LOC128031837: variants seen among roughly 807,000 people sequenced by gnomAD.
At chr7:112,450,548 AC>A in the LOC128031837 span, 1 of 696,100 alleles carries the variant, frequency 1.4e-6, no homozygotes, top group Non-Finnish European at 2.7e-6. Context: ...GCCCACTCTT[AC>A]CCCCGCCGCT....
the LOC128031837 span, chr7:112,450,526 G>C: frequency 1.5e-6 from 1 of 657,236 alleles, no homozygotes; most frequent in South Asian, 1.7e-5. Context: ...GGGGATTTCT[G>C]CTGCCGCCAC....
the LOC128031837 span, chr7:112,450,644 G>T: frequency 6.7e-7 from 1 of 1,500,314 alleles, no homozygotes; most frequent in South Asian, 1.1e-5. Context: ...TCCATCGGCT[G>T]ATCCTCGCTA....
At chr7:112,450,559 T>G in the LOC128031837 span, 5 of 721,088 alleles carry the variant, frequency 6.9e-6, no homozygotes, top group Non-Finnish European at 2.5e-6. Flanking sequence ...CCCCCGCCGC[T>G]TCTCGACTCT....
the LOC128031837 span, chr7:112,450,579 C>G: frequency 1.6e-5 from 13 of 824,516 alleles, no homozygotes; most frequent in East Asian, 2.9e-4. Flanking sequence ...TGTTGTTAGC[C>G]GAAGACTCGC....
chr7:112,450,578 C>A, the LOC128031837 span: 1 of 816,450 alleles, frequency 1.2e-6, no homozygotes, highest in Non-Finnish European at 2.1e-6. Flanking sequence ...CTGTTGTTAG[C>A]CGAAGACTCG....
At chr7:112,450,614 G>C in the LOC128031837 span, 130 of 1,185,762 alleles carry the variant, frequency 1.1e-4, no homozygotes, top group Non-Finnish European at 1.6e-4. Flanking sequence ...CCGCACAGAC[G>C]CACGAGTAAA....
the LOC128031837 span, chr7:112,450,585 C>A: frequency 1.1e-6 from 1 of 876,380 alleles, no homozygotes; most frequent in Non-Finnish European, 1.9e-6. Flanking sequence ...TAGCCGAAGA[C>A]TCGCCTCTCA....
At chr7:112,450,626 A>G in the LOC128031837 span, 3 of 1,330,260 alleles carry the variant, frequency 2.3e-6, no homozygotes, top group Non-Finnish European at 3.2e-6. Flanking sequence ...ACGAGTAAAA[A>G]GTGCAGCTCC....
the LOC128031837 span, chr7:112,450,532 G>GCCACCGCCCACTCTTACCC: frequency 1.5e-6 from 1 of 659,996 alleles, no homozygotes; most frequent in Non-Finnish European, 2.8e-6. Context: ...TTCTGCTGCC[G>GCCACCGCCCACTCTTACCC]CCACCGCCCA....
the LOC128031837 span, chr7:112,450,639 C>T: frequency 3.4e-6 from 5 of 1,455,550 alleles, no homozygotes; most frequent in Non-Finnish European, 3.9e-6. Context: ...GCAGCTCCAT[C>T]GGCTGATCCT....
chr7:112,450,555 C>A, the LOC128031837 span: 1 of 710,682 alleles, frequency 1.4e-6, no homozygotes, highest in South Asian at 1.5e-5. Flanking sequence ...CTTACCCCCG[C>A]CGCTTCTCGA....
the LOC128031837 span, chr7:112,450,489 G>T: frequency 1.6e-6 from 1 of 618,616 alleles, no homozygotes; most frequent in Non-Finnish European, 3.0e-6. Flanking sequence ...AGAGAAACAT[G>T]TATCGTTTTC....
the LOC128031837 span, chr7:112,450,554 G>A: frequency 1.4e-6 from 1 of 707,670 alleles, no homozygotes; most frequent in Middle Eastern, 3.6e-4. Flanking sequence ...TCTTACCCCC[G>A]CCGCTTCTCG....
At chr7:112,450,558 C>T in the LOC128031837 span, 3 of 721,812 alleles carry the variant, frequency 4.2e-6, no homozygotes, top group East Asian at 2.7e-5. Context: ...ACCCCCGCCG[C>T]TTCTCGACTC....
the LOC128031837 span, chr7:112,450,561 C>G: frequency 2.3e-5 from 17 of 727,206 alleles, no homozygotes; most frequent in Non-Finnish European, 5.0e-6. Context: ...CCCGCCGCTT[C>G]TCGACTCTGT....
chr7:112,450,624 A>T, the LOC128031837 span: 1 of 1,323,394 alleles, frequency 7.6e-7, no homozygotes. Flanking sequence ...GCACGAGTAA[A>T]AAGTGCAGCT....
At chr7:112,450,599 G>A in the LOC128031837 span, 1 of 1,041,032 alleles carries the variant, frequency 9.6e-7, no homozygotes, top group South Asian at 1.3e-5. Context: ...CCTCTCAGCC[G>A]CCCGCCGCAC....
chr7:112,450,589 C>T, the LOC128031837 span: 1 of 919,470 alleles, frequency 1.1e-6, no homozygotes, highest in South Asian at 1.4e-5. Flanking sequence ...CGAAGACTCG[C>T]CTCTCAGCCG....
the LOC128031837 span, chr7:112,450,499 C>G: frequency 2.2e-5 from 14 of 626,394 alleles, no homozygotes; most frequent in South Asian, 5.4e-5. Context: ...GTATCGTTTT[C>G]GATCACAGCT....
Sources: gnomAD v4.1 joint callset for allele counts on GRCh38, gnomAD v4.1.1 for gene constraint, MANE v1.5 for transcripts.